USP48: variants seen among roughly 807,000 people sequenced by gnomAD.
USP48 encodes the protein ubiquitin specific peptidase 48.
USP48 carries 43 observed loss-of-function variants against 150.7 expected under a neutral mutation model. The ratio of observed to expected loss-of-function variants is 0.29; its 90% confidence interval spans 0.22 to 0.37. The LOEUF is 0.37. Among genes scored for constraint, USP48 ranks in the 10% least tolerant of loss-of-function variants. The pLI, the probability that USP48 is intolerant of heterozygous loss-of-function variation, is 1.00. For synonymous variants in USP48, 396 were observed against 425.9 expected (o/e 0.93, Z 0.86); for missense variants, 813 against 1,249.6 (o/e 0.65, Z 5.27).
At chr1:21,729,375 A>C (rs2097750324) in intron 10 of USP48, among the ~76,000 whole-genome samples, 1 of 152,194 alleles carries the variant, frequency 6.6e-6, no homozygotes. Flanking sequence ...TCAGGGCAGC[A>C]ACAACTCTAC....
intron 1 of USP48, among the ~76,000 whole-genome samples, chr1:21,780,281 G>A (rs1359231780): frequency 6.6e-6 from 1 of 152,160 alleles, no homozygotes. Context: ...GAAACATTAC[G>A]TTAAGTGAAA....
At chr1:21,707,544 A>C (rs1203437624) in intron 15 of USP48, among the ~76,000 whole-genome samples, 1 of 152,150 alleles carries the variant, frequency 6.6e-6, no homozygotes, top group Admixed American at 6.5e-5. Flanking sequence ...TAAAAAAATA[A>C]TACTAGTCAC....
intron 25 of USP48, chr1:21,686,984 G>A (rs2097581990): frequency 3.5e-6 from 2 of 573,356 alleles, no homozygotes; most frequent in East Asian, 6.1e-5. Flanking sequence ...ATTTATTTCA[G>A]TTTCCTCAGG....
At chr1:21,681,663 T>C (rs538282572) in intron 25 of USP48, among the ~76,000 whole-genome samples, 9 of 152,294 alleles carry the variant, frequency 5.9e-5, no homozygotes, top group African/African-American at 1.9e-4. Flanking sequence ...ATCCTCCTGA[T>C]GAAGTGGTGT....
intron 1 of USP48, among the ~76,000 whole-genome samples, chr1:21,761,620 TG>T (rs2097850265): frequency 6.6e-6 from 1 of 152,092 alleles, no homozygotes; most frequent in Non-Finnish European, 1.5e-5. Flanking sequence ...CTGGGTGTGG[TG>T]GCACATGCTT....
chr1:21,734,168 G>A (rs1019446034), intron 9 of USP48, among the ~76,000 whole-genome samples: 1 of 152,174 alleles, frequency 6.6e-6, no homozygotes, highest in Non-Finnish European at 1.5e-5. Context: ...GGGAGGCCAA[G>A]TGCAAGGATC....
At chr1:21,691,950 T>C (rs948766710) in intron 23 of USP48, among the ~76,000 whole-genome samples, 2 of 152,170 alleles carry the variant, frequency 1.3e-5, no homozygotes, top group African/African-American at 4.8e-5. Flanking sequence ...TTCTGCCCTT[T>C]CCTGCACTCT....
At position 21,695,881 on chromosome 1, in the gene USP48, A is replaced by T. The variant is rs138516127; in HGVS notation, c.2728-660T>A. On this transcript the variant is annotated intron_variant, in intron 22 of 26. Coordinates refer to ENST00000308271, the MANE Select transcript of USP48 (RefSeq NM_032236.8). ...TAAAAATAAAATATGGAACATTAAT[A>T]AAAAAAAATCAAACTTAGTTTGACT... Among the ~76,000 whole-genome samples, 681 of 151,160 alleles carry T rather than the reference A, an allele frequency of 4.5e-3. 6 individuals carry two copies. Among genetic ancestry groups the T allele is most frequent in the Non-Finnish European group, 8.0e-3 (543 of 67,844 alleles).
At chr1:21,707,390 ATCAAT>A (rs2097675748) in intron 15 of USP48, among the ~76,000 whole-genome samples, 3 of 152,238 alleles carry the variant, frequency 2.0e-5, no homozygotes, top group Non-Finnish European at 2.9e-5. Context: ...GCCTTAAGTT[ATCAAT>A]TCAAAGTTAT....
intron 1 of USP48, among the ~76,000 whole-genome samples, chr1:21,778,809 G>A (rs2097906904): frequency 6.6e-6 from 1 of 150,710 alleles, no homozygotes; most frequent in African/African-American, 2.4e-5. Context: ...GGAGTGCAGT[G>A]GCGTATCTCA....
At chr1:21,710,990 A>G (rs1203008279) in intron 15 of USP48, among the ~76,000 whole-genome samples, 1 of 151,882 alleles carries the variant, frequency 6.6e-6, no homozygotes, top group Non-Finnish European at 1.5e-5. Context: ...TATTTTTTAA[A>G]TAGAGGTGGG....
intron 1 of USP48, among the ~76,000 whole-genome samples, chr1:21,764,619 C>G (rs926576670): frequency 2.8e-5 from 4 of 144,360 alleles, no homozygotes; most frequent in African/African-American, 1.0e-4. Flanking sequence ...AGGCAGAGAA[C>G]TGCTTGAACC....
At chr1:21,732,555 C>T (rs2152559540) in intron 9 of USP48, 1 of 168,050 alleles carries the variant, frequency 6.0e-6, no homozygotes, top group Non-Finnish European at 1.3e-5. Context: ...TTATAACATA[C>T]TTTCATGAGT....
chr1:21,686,865 T>C, intron 25 of USP48: 1 of 285,850 alleles, frequency 3.5e-6, no homozygotes, highest in South Asian at 5.6e-5. Context: ...TCACAATTCA[T>C]TCCCACCTTC....
At chr1:21,780,581 G>A (rs993752305) in intron 1 of USP48, among the ~76,000 whole-genome samples, 1 of 151,838 alleles carries the variant, frequency 6.6e-6, no homozygotes, top group Non-Finnish European at 1.5e-5. Flanking sequence ...GAAATGAAGT[G>A]CTGAAACATG....
At chr1:21,707,759 A>G (rs751491556) in intron 15 of USP48, among the ~76,000 whole-genome samples, 4 of 152,250 alleles carry the variant, frequency 2.6e-5, no homozygotes, top group Non-Finnish European at 5.9e-5. Flanking sequence ...TAAGAGTAAT[A>G]AAGCCATGAG....
At chr1:21,725,883 T>A (rs1388640056) in intron 11 of USP48, among the ~76,000 whole-genome samples, 2 of 152,170 alleles carry the variant, frequency 1.3e-5, no homozygotes, top group Non-Finnish European at 2.9e-5. Flanking sequence ...TCAAGCTTAA[T>A]CTGCCAGGGA....
chr1:21,717,869 G>A (rs1276055934), intron 14 of USP48, among the ~76,000 whole-genome samples: 1 of 152,118 alleles, frequency 6.6e-6, no homozygotes, highest in Non-Finnish European at 1.5e-5. Context: ...CCAGGAGGTG[G>A]AGGTTGGAGT....
chr1:21,783,092 C>A lies in USP48; in HGVS notation c.-135G>T. 7.8e-7 allele frequency: 1 copy of A among 1,276,696 alleles called. No homozygotes were observed. The highest frequency in any genetic ancestry group is 1.0e-6 in the Non-Finnish European group (1 of 991,828). The allele number at this position is 1,276,696 out of a possible 1,614,324, so 79.1% of individuals were successfully genotyped here. A position where few individuals can be genotyped will look rare whatever the true frequency, so the allele number is the denominator to read the frequency against. On this transcript the variant is annotated 5_prime_UTR_variant, in exon 1 of 27. Transcript: ENST00000308271. The stretch of plus-strand genomic sequence containing the variant: ...TCCTTCAGGCAGCTGGCCAGTCAAT[C>A]ACCTGTGCGCGCCACTGCCGCCGCG...
Sources: gnomAD v4.1 joint callset for allele counts (sites outside exome capture counted in the v4.1 genomes callset) on GRCh38, gnomAD v4.1.1 for gene constraint, MANE v1.5 for transcripts, NCBI Gene and HGNC (gene_info 2026-07-23, HGNC 2026-07-21) for gene names.